Variants in FER observed in about 807,000 individuals in gnomAD.
The protein encoded by FER is FER tyrosine kinase, also known as tyrosine-protein kinase Fer.
In FER, 63 loss-of-function variants were observed where a neutral mutation model predicts 111.0. That is an observed-to-expected ratio of 0.57 (90% CI 0.46 to 0.70). The LOEUF (loss-of-function observed/expected upper bound fraction) is 0.70, where lower values mean the gene tolerates loss of function less well. Among genes scored for constraint, FER ranks in the 30% least tolerant of loss-of-function variants. The pLI is 0.00. For synonymous variants in FER, 327 were observed against 313.9 expected (o/e 1.04, Z -0.44); for missense variants, 914 against 954.0 (o/e 0.96, Z 0.55).
At chr5:109,096,227 A>G (rs1052007235) in intron 16 of FER, among the ~76,000 whole-genome samples, 18 of 152,020 alleles carry the variant, frequency 1.2e-4, no homozygotes, top group African/African-American at 3.9e-4. Context: ...GCCACCTATC[A>G]TCTCATTAAA....
intron 17 of FER, among the ~76,000 whole-genome samples, chr5:109,141,076 G>A (rs1753473252): frequency 6.6e-6 from 1 of 152,096 alleles, no homozygotes; most frequent in South Asian, 2.1e-4. Context: ...ACTTAATGGA[G>A]GCCTAACCAG....
chr5:109,187,266 G>A (rs1413780378), intron 19 of FER, among the ~76,000 whole-genome samples, 167 bp from the exon 20 acceptor site: 1 of 152,144 alleles, frequency 6.6e-6, no homozygotes, highest in Non-Finnish European at 1.5e-5. Context: ...ATTGAATTCT[G>A]CATCACCTGT....
chr5:108,965,737 A>T (rs1318359011), intron 13 of FER, among the ~76,000 whole-genome samples: 3 of 152,182 alleles, frequency 2.0e-5, no homozygotes, highest in African/African-American at 7.2e-5. Flanking sequence ...TCAATAGCTT[A>T]ACAAAAATTT....
chr5:109,013,057 C>CTT (rs202223340), intron 13 of FER, among the ~76,000 whole-genome samples: 5 of 136,624 alleles, frequency 3.7e-5, no homozygotes. Flanking sequence ...ATTGCTTTTG[C>CTT]TTTTTTTTTT....
chr5:109,113,191 ATGAGGAGGGCTTGT>A (rs1749833241), intron 17 of FER, among the ~76,000 whole-genome samples: 1 of 152,152 alleles, frequency 6.6e-6, no homozygotes, highest in African/African-American at 2.4e-5. Context: ...GGTTAATAAT[ATGAGGAGGGCTTGT>A]TAAGTCTTTG....
In FER at chr5:109,118,774, T is replaced by C. The variant is rs188745376; in HGVS notation, c.2048+18255T>C. Among the ~76,000 whole-genome samples the C allele has an allele frequency of 5.3e-5, 8 of 152,312 alleles. No individual in the cohort carries two copies. In the East Asian group the frequency reaches 1.4e-3, roughly 26 times the overall value. ...CCAGGAATTGTCCATTTCTTCTAGA[T>C]TTTCTAGTTTATTTGCATAGAGGTG... On this transcript the variant is annotated intron_variant, in intron 17 of 19. Transcript: ENST00000281092.
At chr5:108,772,222 A>G (rs79444388) in intron 2 of FER, among the ~76,000 whole-genome samples, 6,139 of 149,946 alleles carry the variant, frequency 0.041, 182 homozygotes, top group South Asian at 0.12. Flanking sequence ...TGGGGGGTTA[A>G]GTTGAATTTT....
chr5:108,944,404 C>A (rs1302655422), intron 10 of FER, among the ~76,000 whole-genome samples: 1 of 152,158 alleles, frequency 6.6e-6, no homozygotes, highest in Non-Finnish European at 1.5e-5. Context: ...AATTCCTACA[C>A]CTCCTTTATC....
At chr5:108,877,277 G>C (rs1467213634) in intron 8 of FER, among the ~76,000 whole-genome samples, 2 of 152,010 alleles carry the variant, frequency 1.3e-5, no homozygotes, top group Non-Finnish European at 2.9e-5. Flanking sequence ...CTGTGTTAGG[G>C]GAATACTTTA....
At chr5:109,043,300 T>A (rs1328482581) in intron 14 of FER, among the ~76,000 whole-genome samples, 4 of 152,200 alleles carry the variant, frequency 2.6e-5, no homozygotes, top group African/African-American at 9.6e-5. Flanking sequence ...ATGTAATAAA[T>A]AATCTGACAA....
At chr5:108,993,429 C>G (rs1219466032) in intron 13 of FER, among the ~76,000 whole-genome samples, 13 of 152,210 alleles carry the variant, frequency 8.5e-5, no homozygotes, top group African/African-American at 3.1e-4. Context: ...ATCGCAGGCA[C>G]TCGCCAGGCT....
chr5:108,776,587 A>T (rs184880284), intron 2 of FER, among the ~76,000 whole-genome samples: 2 of 152,312 alleles, frequency 1.3e-5, no homozygotes, highest in East Asian at 3.9e-4. Context: ...GAATCCGATT[A>T]TCCTTCCAAG....
intron 16 of FER, among the ~76,000 whole-genome samples, chr5:109,059,648 C>T (rs1312200232): frequency 6.6e-6 from 1 of 152,110 alleles, no homozygotes; most frequent in African/African-American, 2.4e-5. Context: ...TATTGAAAGG[C>T]AGTAGAGGTT....
At chr5:109,117,792 T>A (rs1026275216) in intron 17 of FER, among the ~76,000 whole-genome samples, 1 of 151,636 alleles carries the variant, frequency 6.6e-6, no homozygotes, top group Non-Finnish European at 1.5e-5. Context: ...AGTTCACTCA[T>A]GATTTGGCTC....
At chr5:108,894,356 C>T (rs1396038025) in intron 9 of FER, 1 of 990,870 alleles carries the variant, frequency 1.0e-6, no homozygotes, top group Non-Finnish European at 1.3e-6. Context: ...ACTGTTTCTG[C>T]TGCAAGGGTT....
At chr5:108,809,697 G>A (rs752262648) in intron 3 of FER, among the ~76,000 whole-genome samples, 1 of 152,014 alleles carries the variant, frequency 6.6e-6, no homozygotes, top group Non-Finnish European at 1.5e-5. Flanking sequence ...TGAGTAGCTG[G>A]GACTACAAGT....
At chr5:109,014,264 G>T (rs1393440839) in intron 13 of FER, among the ~76,000 whole-genome samples, 1 of 152,102 alleles carries the variant, frequency 6.6e-6, no homozygotes, top group Non-Finnish European at 1.5e-5. Flanking sequence ...TTTGTATGAG[G>T]TGTCAGGAAG....
chr5:109,030,598 A>G (rs896733963), intron 13 of FER, among the ~76,000 whole-genome samples: 1 of 152,096 alleles, frequency 6.6e-6, no homozygotes, highest in South Asian at 2.1e-4. Flanking sequence ...GTTCATTTTA[A>G]TGCTGCCTCT....
chr5:108,826,497 C>G (rs1302047029), intron 3 of FER, among the ~76,000 whole-genome samples: 2 of 152,182 alleles, frequency 1.3e-5, no homozygotes, highest in Admixed American at 6.5e-5. Flanking sequence ...AAACGGTCCT[C>G]TCGCCTCAAC....
Sources: gnomAD v4.1 joint callset for allele counts (sites outside exome capture counted in the v4.1 genomes callset) on GRCh38, gnomAD v4.1.1 for gene constraint, MANE v1.5 for transcripts, NCBI Gene and HGNC (gene_info 2026-07-23, HGNC 2026-07-21) for gene names.